Variants in AATF observed in about 807,000 individuals in gnomAD.
The protein encoded by AATF is apoptosis antagonizing transcription factor.
In AATF, 48 loss-of-function variants were observed where a neutral mutation model predicts 63.7. The ratio of observed to expected loss-of-function variants is 0.75; its 90% CI spans 0.60 to 0.96. The LOEUF is 0.96. Among genes scored for constraint, AATF ranks in the 40% least tolerant of loss-of-function variants. The pLI, the probability that AATF is intolerant of heterozygous loss-of-function variation, is 0.00. For missense variants in AATF, 639 were observed against 685.7 expected (o/e 0.93, Z 0.76); for synonymous variants, 258 against 247.7 (o/e 1.04, Z -0.39).
chr17:36,978,214 C>T (rs958111492), intron 4 of AATF, among the ~76,000 whole-genome samples: 1 of 152,036 alleles, frequency 6.6e-6, no homozygotes, highest in Admixed American at 6.6e-5. Flanking sequence ...TTCAGCATTC[C>T]CTTATTTCAA....
At chr17:36,979,971 A>G (rs890782052) in intron 4 of AATF, among the ~76,000 whole-genome samples, 43 of 152,210 alleles carry the variant, frequency 2.8e-4, no homozygotes, top group African/African-American at 6.0e-4. Flanking sequence ...ATACTGTCCA[A>G]TCCTAGTACA....
At chr17:37,002,314 G>A (rs1345261595) in intron 8 of AATF, among the ~76,000 whole-genome samples, 2 of 151,962 alleles carry the variant, frequency 1.3e-5, no homozygotes, top group East Asian at 3.9e-4. Context: ...AAAATCAGTT[G>A]TGTTTCTGTA....
intron 11 of AATF, among the ~76,000 whole-genome samples, chr17:37,049,866 C>A (rs998234858): frequency 9.9e-5 from 15 of 152,082 alleles, no homozygotes; most frequent in Non-Finnish European, 1.6e-4. Context: ...AGAGTGGAGG[C>A]CTTGGGAAGA....
chr17:36,953,085 C>T lies in AATF; in HGVS notation c.483C>T (p.Thr161=), dbSNP rs778866804. Residue 161 remains threonine (T), a synonymous_variant, in exon 3 of 12, where the codon ACC becomes ACT. Coordinates refer to ENST00000619387, the MANE Select transcript of AATF (RefSeq NM_012138.4). ...GTATCAGTGACTTTGAGAAATTTACCAAGGGAATGGATGACCTTGGGAGCA... is the reference window on the plus strand; with the variant it reads ...GTATCAGTGACTTTGAGAAATTTACTAAGGGAATGGATGACCTTGGGAGCA... ...VQSISDFEKF[T]KGMDDLGSSE... The T allele has an allele frequency of 3.1e-6, 5 of 1,614,032 alleles. No homozygotes were observed. Among genetic ancestry groups the T allele is most frequent in the Non-Finnish European group, 4.2e-6 (5 of 1,180,006 alleles).
chr17:36,975,448 C>T (rs1042186360), intron 4 of AATF, among the ~76,000 whole-genome samples: 7 of 152,128 alleles, frequency 4.6e-5, no homozygotes, highest in African/African-American at 1.7e-4. Context: ...CACTTTACTT[C>T]GTTTATCCCA....
intron 8 of AATF, among the ~76,000 whole-genome samples, chr17:37,001,434 AG>A (rs2071295796): frequency 3.8e-5 from 5 of 130,806 alleles, no homozygotes; most frequent in African/African-American, 1.2e-4. Context: ...GAAGGAAGGA[AG>A]GAAGGAAGGA....
intron 4 of AATF, among the ~76,000 whole-genome samples, chr17:36,960,781 T>G (rs1223452977): frequency 1.3e-5 from 2 of 152,208 alleles, no homozygotes; most frequent in Non-Finnish European, 2.9e-5. Context: ...TTGTGTAGGC[T>G]TAAGGACCCT....
At chr17:37,038,749 A>G (rs958006360) in intron 11 of AATF, among the ~76,000 whole-genome samples, 29 of 152,146 alleles carry the variant, frequency 1.9e-4, no homozygotes, top group Non-Finnish European at 1.6e-4. Context: ...TCTCTCCCCA[A>G]AAATACAAAA....
At position 37,011,217 on chromosome 17, in the gene AATF, A is replaced by G. The variant is rs1351649677; in HGVS notation, c.1399-7788A>G. ...AAAACCCCGTCTCAACTAAAAATTTATACAAAAATTAGCCCGGCGTGGTGG... is the reference window on the plus strand; with the variant it reads ...AAAACCCCGTCTCAACTAAAAATTTGTACAAAAATTAGCCCGGCGTGGTGG... On this transcript the variant is annotated intron_variant, in intron 8 of 11. Transcript: ENST00000619387. Among the ~76,000 whole-genome samples, 5 of 152,160 alleles carry G rather than the reference A, an allele frequency of 3.3e-5. No homozygotes were observed. In the South Asian group the frequency reaches 6.2e-4, roughly 19 times the overall value.
chr17:37,026,072 T>TG (rs2071508881), intron 10 of AATF, among the ~76,000 whole-genome samples: 1 of 152,116 alleles, frequency 6.6e-6, no homozygotes, highest in Non-Finnish European at 1.5e-5. Flanking sequence ...GTGGTATTCT[T>TG]GCAAAAAAAT....
chr17:36,983,901 C>A (rs1320535372), intron 4 of AATF, among the ~76,000 whole-genome samples: 1 of 152,188 alleles, frequency 6.6e-6, no homozygotes, highest in African/African-American at 2.4e-5. Context: ...CCATTGAGTT[C>A]TTTCTGACTA....
At chr17:36,974,139 C>T (rs2071062103) in intron 4 of AATF, among the ~76,000 whole-genome samples, 1 of 151,564 alleles carries the variant, frequency 6.6e-6, no homozygotes, top group Non-Finnish European at 1.5e-5. Flanking sequence ...CTAATCCTAG[C>T]AGCTAAGAGT....
At chr17:36,985,160 C>G (rs1478597627) in intron 4 of AATF, among the ~76,000 whole-genome samples, 1 of 152,102 alleles carries the variant, frequency 6.6e-6, no homozygotes, top group African/African-American at 2.4e-5. Context: ...CCTCCGCCTC[C>G]CAAAGTGCTG....
intron 10 of AATF, 56 bp downstream of exon 10, chr17:37,021,070 T>A: frequency 8.0e-7 from 1 of 1,255,876 alleles, no homozygotes; most frequent in Non-Finnish European, 1.1e-6. Context: ...TCTCGTCTCT[T>A]ACATTCTGGC....
At chr17:37,018,061 T>A (rs1417607578) in intron 8 of AATF, among the ~76,000 whole-genome samples, 1 of 152,246 alleles carries the variant, frequency 6.6e-6, no homozygotes, top group Non-Finnish European at 1.5e-5. Context: ...TAGCGTCTTC[T>A]CTTAAATTTC....
chr17:36,967,516 G>A (rs969039106), intron 4 of AATF, among the ~76,000 whole-genome samples: 3 of 152,040 alleles, frequency 2.0e-5, no homozygotes, highest in Admixed American at 6.5e-5. Context: ...AGAGCTTTTC[G>A]ACCTGCTGTC....
intron 4 of AATF, among the ~76,000 whole-genome samples, chr17:36,967,404 G>A (rs1167628514): frequency 6.6e-6 from 1 of 152,132 alleles, no homozygotes; most frequent in Non-Finnish European, 1.5e-5. Context: ...AGTTTTCTGT[G>A]TAGTAATTCA....
chr17:37,044,002 A>G (rs558688283), intron 11 of AATF, among the ~76,000 whole-genome samples: 1 of 152,342 alleles, frequency 6.6e-6, no homozygotes, highest in African/African-American at 2.4e-5. Flanking sequence ...TGCAATACAG[A>G]CATAGCCATT....
intron 4 of AATF, chr17:36,980,532 G>A (rs998489132): frequency 2.0e-5 from 3 of 152,328 alleles, no homozygotes; most frequent in African/African-American, 4.8e-5. Context: ...AGAAAAATTA[G>A]AGGTGAATTA....
Sources: allele counts gnomAD v4.1 joint callset (sites outside exome capture counted in the v4.1 genomes callset), GRCh38; gene constraint gnomAD v4.1.1; transcripts MANE v1.5; gene names NCBI Gene and HGNC (gene_info 2026-07-23, HGNC 2026-07-21).